Variants in KCNAB2 observed in about 807,000 individuals in gnomAD.
KCNAB2 encodes the protein voltage-gated potassium channel subunit beta-2.
A neutral mutation model predicts 63.6 loss-of-function variants in KCNAB2; 29 were observed. That is an observed-to-expected ratio of 0.46 (90% confidence interval 0.34 to 0.62). The LOEUF (loss-of-function observed/expected upper bound fraction) is 0.62, where lower values mean the gene tolerates loss of function less well. KCNAB2 is among the 20% of genes least tolerant of loss of function. The probability of loss-of-function intolerance (pLI) is 0.01; values close to 1 mark genes in which losing one functional copy is unlikely to be tolerated. For synonymous variants in KCNAB2, 222 were observed against 224.2 expected (o/e 0.99, Z 0.09); for missense variants, 359 against 563.9 (o/e 0.64, Z 3.68).
chr1:6,040,173 C>T (rs1008008024), intron 1 of KCNAB2, among the ~76,000 whole-genome samples: 69 of 152,222 alleles, frequency 4.5e-4, no homozygotes, highest in Non-Finnish European at 5.1e-4. Flanking sequence ...GTCTCTTCTG[C>T]ACCATGTGGG....
Position 5,994,627 on chromosome 1 carries a change from G to A in KCNAB2, c.-53+1839G>A, listed in dbSNP as rs1260011583. On this transcript the variant is annotated intron_variant, in intron 1 of 16. Coordinates refer to the KCNAB2 transcript ENST00000341524. The surrounding 1 kb of genome is among the most constrained non-coding windows in gnomAD (Gnocchi z 5.4). ...TGGAGTTGGGGGGTGTCGTGAAAAA[G>A]TGTGAAACCCTTTTCGTGTGTTTCT... is the stretch of plus-strand genomic sequence containing the variant. Among the ~76,000 whole-genome samples, 2 of 152,194 alleles carry A rather than the reference G, an allele frequency of 1.3e-5. No individual in the cohort carries two copies. The highest frequency in any genetic ancestry group is 2.9e-5 in the Non-Finnish European group (2 of 68,032).
At position 5,994,545 on chromosome 1, in the gene KCNAB2, G is replaced by A. The variant is rs144066062; in HGVS notation, c.-53+1757G>A. On this transcript the variant is annotated intron_variant, in intron 1 of 16. Transcript: ENST00000341524. The surrounding 1 kb of genome is among the most constrained non-coding windows in gnomAD (Gnocchi z 5.4). ...CCAGGGCCATTTTTTTTTTCCCTGC[G>A]CCAGTCAGCAAATGCTTTGTAGGTG... Among the ~76,000 whole-genome samples the A allele has an allele frequency of 1.3e-5, 2 of 152,102 alleles. No individual in the cohort carries two copies. The highest frequency in any genetic ancestry group is 1.9e-4 in the East Asian group (1 of 5,190).
chr1:6,069,547 C>T lies in KCNAB2; in HGVS notation c.219-3208C>T, dbSNP rs908051635. Among the ~76,000 whole-genome samples the T allele has an allele frequency of 2.6e-5, 4 of 152,264 alleles. No homozygotes were observed. The highest frequency in any genetic ancestry group is 2.1e-4 in the South Asian group (1 of 4,826). On this transcript the variant is annotated intron_variant, in intron 2 of 15. Transcript: ENST00000378083. This position sits in a 1 kb window ranked among gnomAD's most constrained non-coding sequence, Gnocchi z 5.4. ...ATGAAGACCGACAGTATTTGGGTTT[C>T]GAGATGTTGACCACCTGCTTCATTA...
intron 1 of KCNAB2, among the ~76,000 whole-genome samples, chr1:6,049,925 A>G (rs1008912759): frequency 6.6e-6 from 1 of 152,314 alleles, no homozygotes; most frequent in East Asian, 1.9e-4. Flanking sequence ...CTGGGTGCAC[A>G]TATAGGCAGA....
chr1:6,056,163 G>A (rs968952476), intron 2 of KCNAB2, among the ~76,000 whole-genome samples: 12 of 152,106 alleles, frequency 7.9e-5, no homozygotes, highest in Non-Finnish European at 1.5e-4. Context: ...TCCTGCCTCA[G>A]CCTCCCGAGT....
At chr1:6,055,633 G>A (rs928120913) in intron 2 of KCNAB2, among the ~76,000 whole-genome samples, 4 of 152,180 alleles carry the variant, frequency 2.6e-5, no homozygotes, top group Non-Finnish European at 5.9e-5. Flanking sequence ...TGGGATTACA[G>A]GCATGAGCCA....
intron 1 of KCNAB2, among the ~76,000 whole-genome samples, chr1:5,998,935 C>T (rs1657084349): frequency 6.6e-6 from 1 of 152,236 alleles, no homozygotes; most frequent in Non-Finnish European, 1.5e-5. Context: ...GCCAATGGCT[C>T]TGGAGAGATT....
chr1:6,040,624 G>T (rs758296656), exon 2 of KCNAB2: 1 of 1,613,872 alleles, frequency 6.2e-7, no homozygotes, highest in East Asian at 2.2e-5. Context: ...CGGCAGACGG[G>T]CTCCCCCGGG....
chr1:6,010,742 T>C (rs1658100729), intron 1 of KCNAB2, among the ~76,000 whole-genome samples: 1 of 152,172 alleles, frequency 6.6e-6, no homozygotes, highest in Admixed American at 6.5e-5. Flanking sequence ...CCTTAGCTGA[T>C]GGGCAGGCTG....
At chr1:6,036,250 C>A (rs557221517) in intron 1 of KCNAB2, among the ~76,000 whole-genome samples, 1 of 152,176 alleles carries the variant, frequency 6.6e-6, no homozygotes, top group Admixed American at 6.5e-5. Context: ...CATCTGTAAT[C>A]CCAGCATTTA....
intron 1 of KCNAB2, among the ~76,000 whole-genome samples, chr1:6,049,659 C>T (rs1661226371): frequency 6.6e-6 from 1 of 152,226 alleles, no homozygotes; most frequent in Non-Finnish European, 1.5e-5. Flanking sequence ...CACTGCTACC[C>T]AGCTCCCTGT....
At chr1:6,004,982 G>GGAGTGGGGGA (rs1557920925) in intron 1 of KCNAB2, among the ~76,000 whole-genome samples, 8 of 110,390 alleles carry the variant, frequency 7.2e-5, no homozygotes, top group Admixed American at 8.5e-5. Context: ...GGATGAGGGT[G>GGAGTGGGGGA]CAGGCAGAGA....
At chr1:6,079,160 C>G (rs1296300842) in intron 4 of KCNAB2, among the ~76,000 whole-genome samples, 1 of 152,216 alleles carries the variant, frequency 6.6e-6, no homozygotes, top group Non-Finnish European at 1.5e-5. Context: ...GCAGGCTGCC[C>G]TCCCTGGCCC....
intron 5 of KCNAB2, among the ~76,000 whole-genome samples, chr1:6,083,943 G>C (rs907781603): frequency 6.6e-6 from 1 of 152,200 alleles, no homozygotes; most frequent in Non-Finnish European, 1.5e-5. Flanking sequence ...CCCAGAGATC[G>C]CTGCTAGCTT....
chr1:6,064,119 G>T (rs1351132102), intron 2 of KCNAB2, among the ~76,000 whole-genome samples: 2 of 152,224 alleles, frequency 1.3e-5, no homozygotes, highest in Admixed American at 1.3e-4. Context: ...TAAGGAAGAG[G>T]TAGAGGATTT....
intron 1 of KCNAB2, among the ~76,000 whole-genome samples, chr1:5,997,064 G>A (rs1265474114): frequency 6.6e-6 from 1 of 152,146 alleles, no homozygotes; most frequent in Non-Finnish European, 1.5e-5. Context: ...TGGGTGAACT[G>A]GTGCCTCAAT....
chr1:6,036,925 C>G (rs1402260097), intron 1 of KCNAB2, among the ~76,000 whole-genome samples: 1 of 152,192 alleles, frequency 6.6e-6, no homozygotes, highest in African/African-American at 2.4e-5. Context: ...CTTTGCCAGC[C>G]AGCCAGTCTC....
Position 6,099,657 on chromosome 1 carries a change from C to A in KCNAB2, c.*1083C>A. ...GGGTTTTGTGGAGCGCATGCTTGGA[C>A]CCTTTCAGTAAGGAAGGGTCTTTGG... On this transcript the variant is annotated 3_prime_UTR_variant, in exon 16 of 16. Coordinates refer to ENST00000378083, the MANE Select transcript of KCNAB2 (RefSeq NM_001199862.2). 2.6e-6 allele frequency: 3 copies of A among 1,162,508 alleles called. No individual in the cohort carries two copies. The highest frequency in any genetic ancestry group is 3.5e-6 in the Non-Finnish European group (3 of 855,820). The allele number at this position is 1,162,508 out of a possible 1,614,324, so 72.0% of individuals were successfully genotyped here.
rs374107290 is a variant in KCNAB2, at chr1:6,007,506, A to G, written c.-53+14718A>G. 10 of 58,914 alleles carry G rather than the reference A, an allele frequency of 1.7e-4. No individual in the cohort carries two copies. In the East Asian group the frequency reaches 7.3e-3, roughly 43 times the overall value. 3.6% of individuals were successfully genotyped at this position (58,914 alleles called of 1,614,324 possible). A position where few individuals can be genotyped will look rare whatever the true frequency, so the allele number is the denominator to read the frequency against. ...GGCTCCATCCGTGGGGAGCCGCGCCACCTCTGCGCCTCCTCCGCGCCTCCT... is the reference window on the plus strand; with the variant it reads ...GGCTCCATCCGTGGGGAGCCGCGCCGCCTCTGCGCCTCCTCCGCGCCTCCT... On this transcript the variant is annotated intron_variant, in intron 1 of 16. Transcript: ENST00000341524.
Sources: gnomAD v4.1 joint callset for allele counts (sites outside exome capture counted in the v4.1 genomes callset) on GRCh38, gnomAD v4.1.1 for gene constraint, Gnocchi (gnomAD v3.1) non-coding constraint, MANE v1.5 for transcripts, NCBI Gene and HGNC (gene_info 2026-07-23, HGNC 2026-07-21) for gene names.